Variants in GAS7 observed in about 807,000 individuals in gnomAD.
GAS7 encodes the protein growth arrest specific 7.
A neutral mutation model predicts 71.1 loss-of-function variants in GAS7; 28 were observed. That is an observed-to-expected ratio of 0.39 (90% CI 0.29 to 0.54). The LOEUF (loss-of-function observed/expected upper bound fraction) is 0.54, where lower values mean the gene tolerates loss of function less well. Among genes scored for constraint, GAS7 ranks in the 20% least tolerant of loss-of-function variants. The probability of loss-of-function intolerance (pLI) is 0.62; values close to 1 mark genes in which losing one functional copy is unlikely to be tolerated. For missense variants in GAS7, 436 were observed against 627.8 expected (o/e 0.69, Z 3.27); for synonymous variants, 258 against 245.8 (o/e 1.05, Z -0.46).
At chr17:10,192,883 T>G (rs1188840052) in intron 1 of GAS7, among the ~76,000 whole-genome samples, 1 of 152,120 alleles carries the variant, frequency 6.6e-6, no homozygotes, top group Non-Finnish European at 1.5e-5. Flanking sequence ...AGCACGCTGG[T>G]CTTTTCAGTC....
At chr17:10,063,665 G>A (rs1056021117) in intron 1 of GAS7, among the ~76,000 whole-genome samples, 7 of 152,146 alleles carry the variant, frequency 4.6e-5, no homozygotes, top group Non-Finnish European at 1.5e-5. Context: ...AGGTCAGGCT[G>A]CTAACAAGAT....
intron 1 of GAS7, among the ~76,000 whole-genome samples, chr17:10,118,968 C>T (rs4791383): frequency 0.97 from 148,074 of 152,270 alleles, 72,026 homozygotes; most frequent in African/African-American, 0.99. Flanking sequence ...TGCTGAGTGC[C>T]TTCCGGGCAC....
chr17:10,174,560 C>T (rs2074358383), intron 1 of GAS7, among the ~76,000 whole-genome samples: 2 of 152,000 alleles, frequency 1.3e-5, no homozygotes, highest in Admixed American at 1.3e-4. Flanking sequence ...GGCGCAGTGG[C>T]GGGCGCCTGT....
intron 1 of GAS7, among the ~76,000 whole-genome samples, chr17:10,067,170 T>C (rs565549659): frequency 1.3e-4 from 20 of 152,236 alleles, no homozygotes; most frequent in African/African-American, 4.3e-4. Flanking sequence ...GAGTGGAGTT[T>C]CCAGCCCACC....
At chr17:10,175,206 G>A (rs1382347687) in intron 1 of GAS7, among the ~76,000 whole-genome samples, 2 of 134,150 alleles carry the variant, frequency 1.5e-5, no homozygotes, top group Non-Finnish European at 3.1e-5. Flanking sequence ...CTTCAGCTAG[G>A]AATACATGTT....
At chr17:10,173,968 T>A (rs1467907077) in intron 1 of GAS7, among the ~76,000 whole-genome samples, 4 of 152,136 alleles carry the variant, frequency 2.6e-5, no homozygotes, top group Non-Finnish European at 5.9e-5. Flanking sequence ...AACCAGCTGA[T>A]CTCTCCCTGA....
chr17:10,001,124 G>A (rs1449947096), intron 2 of GAS7, among the ~76,000 whole-genome samples: 1 of 152,120 alleles, frequency 6.6e-6, no homozygotes, highest in Non-Finnish European at 1.5e-5. Context: ...CTTGTTTAAC[G>A]TAGCAACACC....
At chr17:10,044,661 C>A (rs1303939570) in intron 1 of GAS7, among the ~76,000 whole-genome samples, 2 of 151,952 alleles carry the variant, frequency 1.3e-5, no homozygotes, top group African/African-American at 4.8e-5. Context: ...TTCAAATTAT[C>A]ACAAATCTCC....
At chr17:10,070,290 T>TGG (rs2073325649) in intron 1 of GAS7, among the ~76,000 whole-genome samples, 1 of 150,432 alleles carries the variant, frequency 6.6e-6, no homozygotes, top group Middle Eastern at 3.2e-3. Context: ...GCCACCAGCC[T>TGG]GGGTCAGCTG....
intron 2 of GAS7, among the ~76,000 whole-genome samples, chr17:10,008,014 G>A (rs557059554): frequency 2.6e-5 from 4 of 152,230 alleles, no homozygotes; most frequent in South Asian, 4.1e-4. Flanking sequence ...TTGACTTACT[G>A]TGATGTTTTC....
chr17:10,164,050 C>T (rs948051151), intron 1 of GAS7, among the ~76,000 whole-genome samples: 1 of 152,200 alleles, frequency 6.6e-6, no homozygotes, highest in Non-Finnish European at 1.5e-5. Context: ...CTGCCCCTTA[C>T]AGTCACCTGG....
chr17:9,996,970 T>C (rs893011939), intron 2 of GAS7, among the ~76,000 whole-genome samples: 1 of 151,416 alleles, frequency 6.6e-6, no homozygotes, highest in South Asian at 2.1e-4. Flanking sequence ...TATATCCCAT[T>C]TGAATCTATG....
At chr17:10,146,924 T>A (rs961340374) in intron 1 of GAS7, among the ~76,000 whole-genome samples, 6 of 148,240 alleles carry the variant, frequency 4.0e-5, no homozygotes, top group Non-Finnish European at 7.4e-5. Flanking sequence ...GAGTTTGTAG[T>A]GAGCTGAGAT....
intron 1 of GAS7, among the ~76,000 whole-genome samples, chr17:10,121,078 T>A (rs756352727): frequency 6.6e-6 from 1 of 152,146 alleles, no homozygotes; most frequent in Non-Finnish European, 1.5e-5. Flanking sequence ...CAGCCGCCAG[T>A]GGTTAAGAGC....
At chr17:10,042,991 T>C (rs2072894548) in intron 1 of GAS7, among the ~76,000 whole-genome samples, 1 of 151,364 alleles carries the variant, frequency 6.6e-6, no homozygotes, top group South Asian at 2.1e-4. Context: ...CGGTGGGGAG[T>C]AGGGGTGAGT....
intron 1 of GAS7, among the ~76,000 whole-genome samples, chr17:10,137,544 T>A (rs1054437987): frequency 1.2e-3 from 3 of 2,606 alleles, no homozygotes; most frequent in African/African-American, 4.6e-3. Flanking sequence ...AGTTTTCTCT[T>A]TTTTTTTTTT....
rs1239239587 is a variant in GAS7, at chr17:9,913,915, G to A, written c.*3313C>T. ...TGGGTGGAGGCAGGTAGAAGGGGCT[G>A]ACTTGTTCTCAGAAATGGAAGGGAC... On this transcript the variant is annotated 3_prime_UTR_variant, in exon 14 of 14. Coordinates refer to ENST00000432992, the MANE Select transcript of GAS7 (RefSeq NM_201433.2). The A allele has an allele frequency of 2.2e-5, 5 of 232,018 alleles. No individual in the cohort carries two copies. In the East Asian group the frequency reaches 2.4e-4, roughly 11 times the overall value. The allele number at this position is 232,018 out of a possible 1,614,324, so 14.4% of individuals were successfully genotyped here. A position where few individuals can be genotyped will look rare whatever the true frequency, so the allele number is the denominator to read the frequency against.
chr17:10,087,276 G>A (rs546847481), intron 1 of GAS7, among the ~76,000 whole-genome samples: 14 of 152,320 alleles, frequency 9.2e-5, no homozygotes, highest in Admixed American at 8.5e-4. Context: ...TCCCCACAAT[G>A]ACCAGATCAC....
At chr17:9,924,087 G>A (rs548675785) in intron 11 of GAS7, among the ~76,000 whole-genome samples, 1 of 152,290 alleles carries the variant, frequency 6.6e-6, no homozygotes, top group South Asian at 2.1e-4. Context: ...CAAAACACTA[G>A]GAAGAGATGG....
Sources: allele counts gnomAD v4.1 joint callset (sites outside exome capture counted in the v4.1 genomes callset), GRCh38; gene constraint gnomAD v4.1.1; transcripts MANE v1.5; gene names NCBI Gene and HGNC (gene_info 2026-07-23, HGNC 2026-07-21).